LINGO2: variants seen among roughly 807,000 people sequenced by gnomAD.
LINGO2 encodes the protein leucine rich repeat and Ig domain containing 2.
Under a neutral mutation model 30.6 loss-of-function variants are expected in LINGO2, and 14 were observed. That is an observed-to-expected ratio of 0.46 (90% CI 0.30 to 0.72). LINGO2 has a LOEUF of 0.72. LINGO2 is among the 30% of genes least tolerant of loss of function. The pLI is 0.07. For synonymous variants in LINGO2, 317 were observed against 288.5 expected, an observed-to-expected ratio of 1.10 and a Z score of -1.00; for missense variants, 729 against 751.7, an observed-to-expected ratio of 0.97 and a Z score of 0.35.
At chr9:28,589,049 C>T (rs1009901796) in intron 1 of LINGO2, among the ~76,000 whole-genome samples, 1 of 152,106 alleles carries the variant, frequency 6.6e-6, no homozygotes, top group African/African-American at 2.4e-5. Context: ...AAGACAAAAA[C>T]CACATGATTA....
chr9:28,338,806 C>A (rs1825672590), intron 3 of LINGO2, among the ~76,000 whole-genome samples: 1 of 152,096 alleles, frequency 6.6e-6, no homozygotes, highest in Admixed American at 6.6e-5. Flanking sequence ...GCCTCCTCAG[C>A]CACCCTGAAC....
intron 1 of LINGO2, among the ~76,000 whole-genome samples, chr9:28,607,338 C>T (rs1003187050): frequency 2.6e-5 from 4 of 151,914 alleles, no homozygotes; most frequent in Non-Finnish European, 4.4e-5. Flanking sequence ...CATTCTCATT[C>T]ATATATTGGT....
At chr9:28,942,666 C>G in the LINGO2 span, among the ~76,000 whole-genome samples, 3 of 152,134 alleles carry the variant, frequency 2.0e-5, no homozygotes, top group Admixed American at 2.0e-4. Flanking sequence ...GAGCAATTTT[C>G]TTATTTGCTC....
the LINGO2 span, among the ~76,000 whole-genome samples, chr9:28,788,678 G>A: frequency 1.3e-5 from 2 of 152,146 alleles, no homozygotes; most frequent in Non-Finnish European, 2.9e-5. Context: ...CAAGGTGGCA[G>A]AAAGGAGAAG....
At chr9:28,784,986 G>A in the LINGO2 span, among the ~76,000 whole-genome samples, 1 of 151,726 alleles carries the variant, frequency 6.6e-6, no homozygotes, top group Non-Finnish European at 1.5e-5. Flanking sequence ...TGAGCCTACT[G>A]TTGATGAGGA....
the LINGO2 span, among the ~76,000 whole-genome samples, chr9:28,810,765 A>G: frequency 6.6e-6 from 1 of 152,258 alleles, no homozygotes; most frequent in East Asian, 1.9e-4. Flanking sequence ...AGTATACAAA[A>G]CAGTTGAAAC....
chr9:28,540,099 A>G (rs114695026), intron 1 of LINGO2, among the ~76,000 whole-genome samples: 4,310 of 152,234 alleles, frequency 0.028, 207 homozygotes, highest in African/African-American at 0.098. Context: ...ACAACTCTGA[A>G]AAAACAGTTT....
the LINGO2 span, among the ~76,000 whole-genome samples, chr9:28,739,492 A>G: frequency 9.9e-5 from 15 of 152,086 alleles, no homozygotes; most frequent in African/African-American, 3.4e-4. Context: ...TTATTAAAAC[A>G]TCAAAACATG....
intron 1 of LINGO2, among the ~76,000 whole-genome samples, chr9:28,500,767 G>C (rs905012483): frequency 1.3e-5 from 2 of 151,946 alleles, no homozygotes; most frequent in African/African-American, 4.8e-5. Flanking sequence ...AAATAAGATG[G>C]CTCCAAATAG....
chr9:28,578,427 C>A (rs544356602), intron 1 of LINGO2, among the ~76,000 whole-genome samples: 4 of 151,978 alleles, frequency 2.6e-5, no homozygotes, highest in African/African-American at 9.7e-5. Context: ...TCAGACTATG[C>A]GCATTGTGCA....
intron 4 of LINGO2, among the ~76,000 whole-genome samples, chr9:28,144,209 T>C (rs2133511570): frequency 6.6e-6 from 1 of 152,334 alleles, no homozygotes; most frequent in South Asian, 2.1e-4. Context: ...TATGCTATTC[T>C]TGTGAGCTTG....
chr9:28,194,188 C>T (rs897248975), intron 4 of LINGO2, among the ~76,000 whole-genome samples: 2 of 152,054 alleles, frequency 1.3e-5, no homozygotes, highest in African/African-American at 2.4e-5. Flanking sequence ...AAAATACAAT[C>T]TACTATATCT....
At chr9:28,897,090 T>C in the LINGO2 span, among the ~76,000 whole-genome samples, 3 of 152,272 alleles carry the variant, frequency 2.0e-5, no homozygotes, top group South Asian at 4.1e-4. Context: ...GAGACTAGTA[T>C]TCATCTTTCT....
intron 1 of LINGO2, among the ~76,000 whole-genome samples, 165 bp downstream of exon 3, chr9:28,670,035 G>T (rs1262695745): frequency 6.6e-6 from 1 of 151,656 alleles, no homozygotes; most frequent in African/African-American, 2.4e-5. Context: ...CAGTCACTTT[G>T]GGGCTAACAA....
chr9:28,489,307 C>A (rs1297222582), intron 1 of LINGO2, among the ~76,000 whole-genome samples: 1 of 152,040 alleles, frequency 6.6e-6, no homozygotes, highest in Non-Finnish European at 1.5e-5. Context: ...GTAGCTGGGA[C>A]TACAGGCATG....
the LINGO2 span, among the ~76,000 whole-genome samples, chr9:28,923,695 C>T: frequency 2.0e-5 from 3 of 152,124 alleles, no homozygotes; most frequent in African/African-American, 7.2e-5. Flanking sequence ...GAACTATCAA[C>T]TAACAATTAC....
chr9:28,355,241 CTG>C (rs1820122805), intron 3 of LINGO2, among the ~76,000 whole-genome samples: 1 of 136,136 alleles, frequency 7.3e-6, no homozygotes, highest in South Asian at 2.7e-4. Context: ...CTATCTCTCT[CTG>C]TCTCTCTCTC....
intron 4 of LINGO2, among the ~76,000 whole-genome samples, chr9:28,208,187 C>T (rs1820474629): frequency 6.6e-6 from 1 of 151,740 alleles, no homozygotes; most frequent in African/African-American, 2.4e-5. Flanking sequence ...ACTACAAGTG[C>T]AATTAAAAGA....
chr9:29,162,073 T>C, the LINGO2 span, among the ~76,000 whole-genome samples: 16 of 152,088 alleles, frequency 1.1e-4, no homozygotes, highest in Non-Finnish European at 1.8e-4. Flanking sequence ...GCACCCGCCA[T>C]CACGCATGGC....
Sources: allele counts gnomAD v4.1 joint callset (sites outside exome capture counted in the v4.1 genomes callset), GRCh38; gene constraint gnomAD v4.1.1; transcripts MANE v1.5; gene names NCBI Gene and HGNC (gene_info 2026-07-23, HGNC 2026-07-21).